The following CXCL13 variants were observed in gnomAD, a reference collection of about 807,000 sequenced individuals.
The protein encoded by CXCL13 is C-X-C motif chemokine ligand 13.
Under a neutral mutation model 12.2 loss-of-function variants are expected in CXCL13, and 7 were observed. The ratio of observed to expected loss-of-function variants is 0.57; its 90% CI spans 0.33 to 1.07. CXCL13 has a LOEUF of 1.07. CXCL13 is among the 50% of genes least tolerant of loss of function. The pLI is 0.04. For missense variants in CXCL13, 113 were observed against 127.4 expected (o/e 0.89, Z 0.55); for synonymous variants, 47 against 42.4 (o/e 1.11, Z -0.42).
rs1442848318 is a variant in CXCL13 at position 77,573,674 on chromosome 4, G to A, written c.-42-32150G>A. Among the ~76,000 whole-genome samples the A allele has an allele frequency of 2.0e-5, 3 of 151,816 alleles. 1 individual carries two copies. Among genetic ancestry groups the A allele is most frequent in the African/African-American group, 7.3e-5 (3 of 41,140 alleles). On this transcript the variant is annotated intron_variant, in intron 1 of 4. Transcript: ENST00000286758. ...TATTTAAAGTATGGTTTAAAATACG[G>A]ATTTAGGAAAAACAACATGGCACTC...
At chr4:77,562,939 T>A (rs943404654) in intron 1 of CXCL13, among the ~76,000 whole-genome samples, 1 of 152,182 alleles carries the variant, frequency 6.6e-6, no homozygotes, top group Admixed American at 6.5e-5. Flanking sequence ...AAAAGCAGGC[T>A]GCCAGAGCCA....
intron 1 of CXCL13, among the ~76,000 whole-genome samples, chr4:77,548,199 G>A (rs1725422234): frequency 6.6e-6 from 1 of 152,244 alleles, no homozygotes; most frequent in Admixed American, 6.5e-5. Context: ...GCCAGGCCAG[G>A]AGGAGAAAGA....
intron 1 of CXCL13, among the ~76,000 whole-genome samples, chr4:77,544,666 A>G (rs1246742109): frequency 3.3e-5 from 5 of 152,102 alleles, no homozygotes; most frequent in African/African-American, 1.2e-4. Flanking sequence ...AGATGGGTAG[A>G]TTGCAAAAAT....
intron 1 of CXCL13, among the ~76,000 whole-genome samples, chr4:77,544,033 G>A (rs1345678743): frequency 6.6e-6 from 1 of 152,140 alleles, no homozygotes; most frequent in Non-Finnish European, 1.5e-5. Flanking sequence ...TTGCGAGAAT[G>A]ATGGTTTCCA....
At chr4:77,546,076 C>G (rs879778686) in intron 1 of CXCL13, among the ~76,000 whole-genome samples, 1 of 152,158 alleles carries the variant, frequency 6.6e-6, no homozygotes, top group East Asian at 1.9e-4. Flanking sequence ...GTTAAACCAG[C>G]CTTGCATCCC....
chr4:77,546,723 T>A (rs938800585), intron 1 of CXCL13, among the ~76,000 whole-genome samples: 1 of 152,222 alleles, frequency 6.6e-6, no homozygotes, highest in East Asian at 1.9e-4. Flanking sequence ...GGAGAGATTT[T>A]GTGTCTCTTA....
intron 1 of CXCL13, among the ~76,000 whole-genome samples, chr4:77,582,317 C>T (rs1204565044): frequency 1.3e-5 from 2 of 152,132 alleles, no homozygotes; most frequent in Non-Finnish European, 2.9e-5. Context: ...TATATAATTA[C>T]TAACTGGGCA....
At chr4:77,585,100 T>C (rs1726422453) in intron 1 of CXCL13, among the ~76,000 whole-genome samples, 1 of 152,176 alleles carries the variant, frequency 6.6e-6, no homozygotes, top group African/African-American at 2.4e-5. Flanking sequence ...CACACACGTC[T>C]GGCCACCATC....
intron 1 of CXCL13, among the ~76,000 whole-genome samples, chr4:77,597,199 A>G (rs1360730544): frequency 6.6e-6 from 1 of 152,196 alleles, no homozygotes; most frequent in Non-Finnish European, 1.5e-5. Flanking sequence ...TTACTTAAAA[A>G]CATTTTTAAT....
intron 1 of CXCL13, among the ~76,000 whole-genome samples, chr4:77,553,329 C>T (rs150768003): frequency 1.1e-4 from 17 of 152,338 alleles, no homozygotes; most frequent in African/African-American, 3.8e-4. Flanking sequence ...TGGCCCAGGA[C>T]TGAAGTTCCT....
At chr4:77,538,906 A>G (rs1725135069) in intron 1 of CXCL13, among the ~76,000 whole-genome samples, 1 of 152,134 alleles carries the variant, frequency 6.6e-6, no homozygotes, top group Non-Finnish European at 1.5e-5. Flanking sequence ...CCTCAGAGGA[A>G]TGAATTTGAG....
intron 1 of CXCL13, among the ~76,000 whole-genome samples, chr4:77,569,396 T>C (rs886790503): frequency 4.6e-5 from 7 of 152,184 alleles, no homozygotes; most frequent in Non-Finnish European, 1.0e-4. Flanking sequence ...CTTCTTGAGC[T>C]GATAAACAAC....
chr4:77,516,787 G>GT (rs1050151179), intron 1 of CXCL13, among the ~76,000 whole-genome samples: 6 of 151,892 alleles, frequency 4.0e-5, no homozygotes, highest in African/African-American at 9.7e-5. Flanking sequence ...TTTTTGAAGG[G>GT]TTTTTGTGTC....
intron 1 of CXCL13, among the ~76,000 whole-genome samples, chr4:77,519,075 T>C (rs1724504912): frequency 6.6e-6 from 1 of 152,226 alleles, no homozygotes; most frequent in African/African-American, 2.4e-5. Flanking sequence ...CCTGTTTGCC[T>C]GGGTATCAGC....
intron 1 of CXCL13, among the ~76,000 whole-genome samples, chr4:77,596,260 A>G (rs1405172626): frequency 2.0e-5 from 3 of 152,198 alleles, no homozygotes; most frequent in Non-Finnish European, 4.4e-5. Flanking sequence ...TTTTGTCTTG[A>G]GTAAGACCAT....
intron 1 of CXCL13, among the ~76,000 whole-genome samples, chr4:77,592,732 G>A (rs773095420): frequency 7.2e-5 from 11 of 152,166 alleles, no homozygotes; most frequent in Admixed American, 3.9e-4. Flanking sequence ...TCATGCCACA[G>A]GGGCAATCCA....
chr4:77,532,680 C>T (rs971871259), intron 1 of CXCL13, among the ~76,000 whole-genome samples: 1 of 152,234 alleles, frequency 6.6e-6, no homozygotes, highest in Middle Eastern at 3.2e-3. Flanking sequence ...CTTTCAGGTA[C>T]ACCAATCAGA....
chr4:77,591,193 T>A (rs1726600433), intron 1 of CXCL13, among the ~76,000 whole-genome samples: 1 of 152,186 alleles, frequency 6.6e-6, no homozygotes, highest in South Asian at 2.1e-4. Flanking sequence ...TATACTATTA[T>A]TATTTAGATA....
chr4:77,560,414 T>A (rs1725778005), intron 1 of CXCL13, among the ~76,000 whole-genome samples: 1 of 152,236 alleles, frequency 6.6e-6, no homozygotes, highest in African/African-American at 2.4e-5. Flanking sequence ...TGTAGGCCAC[T>A]GTTCTTGATC....
Sources: gnomAD v4.1 joint callset for allele counts (sites outside exome capture counted in the v4.1 genomes callset) on GRCh38, gnomAD v4.1.1 for gene constraint, MANE v1.5 for transcripts, NCBI Gene and HGNC (gene_info 2026-07-23, HGNC 2026-07-21) for gene names.